The following FAM114A1 variants were observed in gnomAD, a reference collection of about 807,000 sequenced individuals.
FAM114A1 encodes protein NOXP20.
FAM114A1 carries 62 observed loss-of-function variants against 64.3 expected under a neutral mutation model. The observed-to-expected ratio is 0.96, with a 90% CI of 0.79 to 1.19. The LOEUF (loss-of-function observed/expected upper bound fraction) is 1.19, where lower values mean the gene tolerates loss of function less well. Among genes scored for constraint, FAM114A1 ranks in the 50% most tolerant of loss-of-function variants. FAM114A1 has a pLI of 0.00. For missense variants in FAM114A1, 645 were observed against 676.3 expected (o/e 0.95, Z 0.51); for synonymous variants, 254 against 251.1 (o/e 1.01, Z -0.11).
At chr4:38,880,105 G>A (rs1223702428) in intron 3 of FAM114A1, among the ~76,000 whole-genome samples, 17 of 106,844 alleles carry the variant, frequency 1.6e-4, no homozygotes, top group African/African-American at 3.4e-4. Flanking sequence ...AAATAAAATA[G>A]AGTAGAATAG....
intron 2 of FAM114A1, among the ~76,000 whole-genome samples, chr4:38,872,296 C>T (rs1714154661): frequency 1.3e-5 from 2 of 152,142 alleles, no homozygotes; most frequent in African/African-American, 2.4e-5. Context: ...GTAACATGCA[C>T]GTGTCACATA....
chr4:38,907,828 G>A (rs1389891740), intron 6 of FAM114A1, among the ~76,000 whole-genome samples: 3 of 152,180 alleles, frequency 2.0e-5, no homozygotes, highest in Non-Finnish European at 4.4e-5. Flanking sequence ...TACAGTTGGA[G>A]TGTAAGTATG....
chr4:38,930,869 C>G (rs1720569062), intron 10 of FAM114A1, among the ~76,000 whole-genome samples: 1 of 152,148 alleles, frequency 6.6e-6, no homozygotes. Context: ...TGAAATTAAA[C>G]TAGACACAGA....
chr4:38,888,860 G>A (rs1343400237), intron 3 of FAM114A1, among the ~76,000 whole-genome samples: 1 of 152,164 alleles, frequency 6.6e-6, no homozygotes, highest in East Asian at 1.9e-4. Context: ...TCTCCTAATT[G>A]TGTGACATTA....
At chr4:38,882,401 G>A (rs1715376620) in intron 3 of FAM114A1, among the ~76,000 whole-genome samples, 1 of 151,918 alleles carries the variant, frequency 6.6e-6, no homozygotes, top group Admixed American at 6.6e-5. Flanking sequence ...AGGCCGAGGG[G>A]ACCGGATCAC....
chr4:38,907,433 T>C (rs531100487), intron 6 of FAM114A1, among the ~76,000 whole-genome samples: 19 of 152,310 alleles, frequency 1.2e-4, no homozygotes, highest in Non-Finnish European at 4.4e-5. Flanking sequence ...CCCCTCCAAG[T>C]CTATCCTTAA....
chr4:38,911,736 T>C (rs999724341), intron 7 of FAM114A1, among the ~76,000 whole-genome samples: 6 of 151,994 alleles, frequency 3.9e-5, no homozygotes, highest in Non-Finnish European at 8.8e-5. Context: ...TATATAACTA[T>C]GGAAACTAGA....
intron 13 of FAM114A1, among the ~76,000 whole-genome samples, chr4:38,936,100 T>G (rs542223439): frequency 0.011 from 1,631 of 148,762 alleles, 22 homozygotes; most frequent in South Asian, 0.051. Context: ...TTTTTTTTGT[T>G]TTTTTTTTTT....
chr4:38,910,750 G>A (rs538867520), intron 7 of FAM114A1, among the ~76,000 whole-genome samples: 25 of 152,258 alleles, frequency 1.6e-4, no homozygotes, highest in African/African-American at 4.8e-4. Flanking sequence ...GAGAACTCAC[G>A]CAAAGGCCCT....
chr4:38,913,484 G>A (rs548141281), intron 7 of FAM114A1, among the ~76,000 whole-genome samples: 20 of 152,118 alleles, frequency 1.3e-4, no homozygotes, highest in Admixed American at 8.5e-4. Context: ...CTGCGCCTCC[G>A]GGTTCAACCT....
intron 9 of FAM114A1, among the ~76,000 whole-genome samples, chr4:38,925,327 A>G (rs1416434845): frequency 6.6e-6 from 1 of 152,244 alleles, no homozygotes; most frequent in African/African-American, 2.4e-5. Flanking sequence ...GGGAGAAAAG[A>G]ATAGACGTTG....
intron 9 of FAM114A1, among the ~76,000 whole-genome samples, chr4:38,927,381 G>A (rs976884183): frequency 6.6e-6 from 1 of 152,170 alleles, no homozygotes; most frequent in Non-Finnish European, 1.5e-5. Flanking sequence ...CACAGCTGGT[G>A]TCTTCTAGCT....
At chr4:38,928,520 A>T (rs1345971616) in intron 9 of FAM114A1, among the ~76,000 whole-genome samples, 1 of 152,142 alleles carries the variant, frequency 6.6e-6, no homozygotes, top group Non-Finnish European at 1.5e-5. Context: ...ATCATATTAT[A>T]TATTAGGCAA....
chr4:38,871,020 A>G (rs1364102744), intron 2 of FAM114A1, among the ~76,000 whole-genome samples: 14 of 151,578 alleles, frequency 9.2e-5, no homozygotes. Context: ...ATAAATATGG[A>G]TTAGAGATAC....
chr4:38,891,872 G>A, intron 4 of FAM114A1, 42 bp downstream of exon 4: 1 of 1,554,174 alleles, frequency 6.4e-7, no homozygotes. Flanking sequence ...AAGTACCAAA[G>A]CCTAATAGGA....
chr4:38,893,372 A>G (rs1226545052), intron 4 of FAM114A1, among the ~76,000 whole-genome samples: 1 of 152,272 alleles, frequency 6.6e-6, no homozygotes, highest in African/African-American at 2.4e-5. Context: ...ATCATAAAAC[A>G]GTCATGTGTC....
chr4:38,941,380 G>A (rs917974152), intron 14 of FAM114A1, among the ~76,000 whole-genome samples: 2 of 152,098 alleles, frequency 1.3e-5, no homozygotes, highest in African/African-American at 4.8e-5. Context: ...CATAAAAATG[G>A]GCATTTCCTT....
chr4:38,914,843 CA>C, intron 7 of FAM114A1, 77 bp from the exon 8 acceptor site: 1 of 1,497,056 alleles, frequency 6.7e-7, no homozygotes. Context: ...TCAGTCCTCC[CA>C]ACCTCCCCCA....
At chr4:38,929,983 C>G (rs983852897) in intron 10 of FAM114A1, among the ~76,000 whole-genome samples, 3 of 152,028 alleles carry the variant, frequency 2.0e-5, no homozygotes, top group African/African-American at 7.2e-5. Context: ...CAGGTTAGGG[C>G]AGGGAAAAAG....
Sources: gnomAD v4.1 joint callset for allele counts (sites outside exome capture counted in the v4.1 genomes callset) on GRCh38, gnomAD v4.1.1 for gene constraint, MANE v1.5 for transcripts, NCBI Gene and HGNC (gene_info 2026-07-23, HGNC 2026-07-21) for gene names.